INSC: variants seen among roughly 807,000 people sequenced by gnomAD.
The protein encoded by INSC is protein inscuteable homolog.
INSC carries 67 observed loss-of-function variants against 58.6 expected under a neutral mutation model. The ratio of observed to expected loss-of-function variants is 1.14; its 90% CI spans 0.94 to 1.40. INSC has a LOEUF of 1.40. Ranked by LOEUF, INSC falls within the 40% of genes most tolerant of loss-of-function variation. The pLI, the probability that INSC is intolerant of heterozygous loss-of-function variation, is 0.00. For missense variants in INSC, 714 were observed against 692.0 expected, an observed-to-expected ratio of 1.03 and a Z score of -0.36; for synonymous variants, 262 against 276.1, an observed-to-expected ratio of 0.95 and a Z score of 0.51.
At chr11:15,150,781 A>G (rs868117188) in intron 2 of INSC, among the ~76,000 whole-genome samples, 1 of 152,178 alleles carries the variant, frequency 6.6e-6, no homozygotes, top group Non-Finnish European at 1.5e-5. Context: ...TTTCATATTT[A>G]AAAACAATAA....
In INSC at chr11:15,223,688, A is replaced by C. The variant is rs1293386285; in HGVS notation, c.992-1962A>C. On this transcript the variant is annotated intron_variant, in intron 8 of 12. Coordinates refer to ENST00000379556, the MANE Select transcript of INSC (RefSeq NM_001042536.3). The stretch of plus-strand genomic sequence containing the variant: ...AGCAAAGTGGGCCACTGAGCTCTGC[A>C]GACTCACCCAAAACCATGGATATAG... 4.6e-5 allele frequency among the ~76,000 whole-genome samples: 7 copies of C among 152,358 alleles called. No homozygotes were observed. The East Asian group carries it at 1.3e-3, about 29-fold the overall frequency.
At chr11:15,130,743 G>A (rs1256099347) in intron 1 of INSC, among the ~76,000 whole-genome samples, 1 of 152,000 alleles carries the variant, frequency 6.6e-6, no homozygotes, top group Non-Finnish European at 1.5e-5. Context: ...TCTTTCAGTG[G>A]TTATAGATCT....
chr11:15,137,914 T>C (rs1848283208), intron 1 of INSC, among the ~76,000 whole-genome samples: 2 of 152,238 alleles, frequency 1.3e-5, no homozygotes, highest in African/African-American at 4.8e-5. Context: ...TCTGGGCTTT[T>C]GACATGCTGT....
rs376343883 is a variant in INSC at position 15,151,270 on chromosome 11, A to G, written c.56+2040A>G. Among the ~76,000 whole-genome samples the G allele has an allele frequency of 4.6e-5, 7 of 152,136 alleles. No homozygotes were observed. In the South Asian group the frequency reaches 1.4e-3, roughly 31 times the overall value. On this transcript the variant is annotated intron_variant, in intron 2 of 12. Transcript: ENST00000379556. ...TGCTTGCGTGAGGGATTTAGGTTGT[A>G]TGTTCCTTATGGGAATGTAATACCC... is the stretch of plus-strand genomic sequence containing the variant.
rs138995665 is a variant in INSC at position 15,176,926 on chromosome 11, A to G, written c.403-185A>G. Among the ~76,000 whole-genome samples, 6 of 152,024 alleles carry G rather than the reference A, an allele frequency of 3.9e-5. No individual in the cohort carries two copies. In the East Asian group the frequency reaches 1.2e-3, roughly 29 times the overall value. On this transcript the variant is annotated intron_variant, in intron 3 of 12. Coordinates refer to ENST00000379556, the MANE Select transcript of INSC (RefSeq NM_001042536.3). The stretch of plus-strand genomic sequence containing the variant: ...TAACTGCTCAGTTTCATTTTCTTAT[A>G]CTCCCAAAGCAGCCTACCGTGAGCT...
rs552507924 is a variant in INSC, at chr11:15,170,724, C to T, written c.57-5017C>T. Among the ~76,000 whole-genome samples, 3 of 152,310 alleles carry T rather than the reference C, an allele frequency of 2.0e-5. No individual in the cohort carries two copies. In the South Asian group the frequency reaches 6.2e-4, roughly 32 times the overall value. On this transcript the variant is annotated intron_variant, in intron 2 of 12. Coordinates refer to ENST00000379556, the MANE Select transcript of INSC (RefSeq NM_001042536.3). ...TACCCATGCTCAAGCTCCTCCACCT[C>T]CAGTTTTTAATCATCCAGTTTATAT...
At chr11:15,168,302 G>T (rs1849273564) in intron 2 of INSC, among the ~76,000 whole-genome samples, 1 of 151,928 alleles carries the variant, frequency 6.6e-6, no homozygotes, top group African/African-American at 2.4e-5. Flanking sequence ...AGTGTGTATT[G>T]TTTCCCTCTC....
chr11:15,230,039 T>A (rs1337176612), intron 9 of INSC, among the ~76,000 whole-genome samples: 11 of 87,764 alleles, frequency 1.3e-4, no homozygotes, highest in East Asian at 2.6e-4. Context: ...TATATATATA[T>A]AAAAGCCAGG....
At chr11:15,190,323 C>T (rs751639827) in intron 5 of INSC, among the ~76,000 whole-genome samples, 5 of 152,194 alleles carry the variant, frequency 3.3e-5, no homozygotes, top group African/African-American at 7.2e-5. Context: ...GCCACTCATT[C>T]GTTTTCAATT....
At chr11:15,163,555 ATTTG>A (rs982398371) in intron 2 of INSC, among the ~76,000 whole-genome samples, 5 of 151,728 alleles carry the variant, frequency 3.3e-5, no homozygotes, top group African/African-American at 1.2e-4. Flanking sequence ...TAACTTTAAT[ATTTG>A]TTGTTTTCTC....
chr11:15,186,077 A>G (rs1467429121), intron 5 of INSC, among the ~76,000 whole-genome samples: 1 of 152,134 alleles, frequency 6.6e-6, no homozygotes, highest in East Asian at 1.9e-4. Context: ...TTTGGTTTCC[A>G]CACTTGCTGC....
Position 15,205,640 on chromosome 11 carries a change from G to T in INSC, c.819+4691G>T, listed in dbSNP as rs181054537. Among the ~76,000 whole-genome samples the T allele has an allele frequency of 2.3e-3, 348 of 152,286 alleles. 5 individuals carry two copies. Among genetic ancestry groups the T allele is most frequent in the Admixed American group, 0.021 (320 of 15,304 alleles). On this transcript the variant is annotated intron_variant, in intron 7 of 12. Coordinates refer to ENST00000379556, the MANE Select transcript of INSC (RefSeq NM_001042536.3). ...GAGAGGGGCTGGCCTGGTCAAAGTT[G>T]CAGTGAAGTGCACACATGGAGAAGT... is the stretch of plus-strand genomic sequence containing the variant.
At chr11:15,188,544 T>C (rs985954996) in intron 5 of INSC, among the ~76,000 whole-genome samples, 1 of 152,232 alleles carries the variant, frequency 6.6e-6, no homozygotes, top group African/African-American at 2.4e-5. Context: ...TTTAGGGCCT[T>C]GAAGATTTCA....
chr11:15,183,461 G>C (rs76922906), intron 5 of INSC, among the ~76,000 whole-genome samples: 1 of 144,026 alleles, frequency 6.9e-6, no homozygotes, highest in Non-Finnish European at 1.5e-5. Context: ...GTGTGTGTAT[G>C]TGTGTTGTTG....
intron 6 of INSC, among the ~76,000 whole-genome samples, chr11:15,199,455 G>A (rs1242456538): frequency 6.6e-6 from 1 of 152,182 alleles, no homozygotes; most frequent in Non-Finnish European, 1.5e-5. Context: ...GGTAAGGGAA[G>A]ATCTGGAATT....
At chr11:15,258,525 GACTGTCTCTGAAGCTAAAGCTCCT>G in the INSC span, among the ~76,000 whole-genome samples, 1 of 152,272 alleles carries the variant, frequency 6.6e-6, no homozygotes, top group East Asian at 1.9e-4. Context: ...TCATAGAAAA[GACTGTCTCTGAAGCTAAAGCTCCT>G]ACAATATCCT....
intron 7 of INSC, among the ~76,000 whole-genome samples, chr11:15,212,877 AT>A (rs1209453597): frequency 6.6e-6 from 1 of 152,334 alleles, no homozygotes; most frequent in East Asian, 1.9e-4. Flanking sequence ...GAGAGCAGTG[AT>A]AATGGGTATC....
intron 7 of INSC, among the ~76,000 whole-genome samples, chr11:15,221,234 G>A (rs1245594940): frequency 6.6e-6 from 1 of 152,000 alleles, no homozygotes. Context: ...TATCTAGGAG[G>A]CCCATGAAAG....
intron 2 of INSC, among the ~76,000 whole-genome samples, chr11:15,157,311 G>A (rs1313107032): frequency 1.3e-5 from 2 of 152,204 alleles, no homozygotes; most frequent in Non-Finnish European, 2.9e-5. Flanking sequence ...ACAAGCTCCT[G>A]ACTCTGGTGG....
Sources: gnomAD v4.1 joint callset for allele counts (sites outside exome capture counted in the v4.1 genomes callset) on GRCh38, gnomAD v4.1.1 for gene constraint, MANE v1.5 for transcripts, NCBI Gene and HGNC (gene_info 2026-07-23, HGNC 2026-07-21) for gene names.